PIP5K1C: variants seen among roughly 807,000 people sequenced by gnomAD.
The protein encoded by PIP5K1C is phosphatidylinositol 4-phosphate 5-kinase type-1 gamma.
Under a neutral mutation model 80.1 loss-of-function variants are expected in PIP5K1C, and 45 were observed. The observed-to-expected ratio is 0.56, with a 90% CI of 0.44 to 0.72. The LOEUF (loss-of-function observed/expected upper bound fraction) is 0.72. Ranked by LOEUF, PIP5K1C falls within the 30% of genes least tolerant of loss-of-function variation. PIP5K1C has a pLI of 0.00. For missense variants in PIP5K1C, 753 were observed against 954.6 expected (o/e 0.79, Z 2.78); for synonymous variants, 498 against 420.1 (o/e 1.19, Z -2.27).
intron 1 of PIP5K1C, among the ~76,000 whole-genome samples, chr19:3,674,469 C>T (rs1265628133): frequency 1.3e-5 from 2 of 151,908 alleles, no homozygotes; most frequent in African/African-American, 2.4e-5. Flanking sequence ...TCTCCTGCCT[C>T]AGCCTCCCCC....
intron 1 of PIP5K1C, among the ~76,000 whole-genome samples, chr19:3,672,386 C>T (rs986921623): frequency 5.3e-5 from 8 of 152,252 alleles, no homozygotes; most frequent in Non-Finnish European, 1.2e-4. Context: ...CTGGTCCCTC[C>T]TGCTGAGCCT....
At position 3,686,714 on chromosome 19, in the gene PIP5K1C, G is replaced by A. The variant is rs150487220; in HGVS notation, c.94+13583C>T. On this transcript the variant is annotated intron_variant, in intron 1 of 17. Coordinates refer to ENST00000335312, the MANE Select transcript of PIP5K1C (RefSeq NM_012398.3). Reference sequence around the variant, plus strand: ...GCCTGGGCAACAGGAGCGAAACTCCGTCTCAAAATAAATAAATAAATAAAA... The same window carrying A: ...GCCTGGGCAACAGGAGCGAAACTCCATCTCAAAATAAATAAATAAATAAAA... Among the ~76,000 whole-genome samples the A allele has an allele frequency of 6.3e-3, 943 of 150,578 alleles. 16 individuals are homozygous for A. The highest frequency in any genetic ancestry group is 0.022 in the African/African-American group (899 of 40,918).
At chr19:3,686,840 A>C (rs1359288906) in intron 1 of PIP5K1C, among the ~76,000 whole-genome samples, 1 of 152,166 alleles carries the variant, frequency 6.6e-6, no homozygotes, top group Non-Finnish European at 1.5e-5. Flanking sequence ...AATCTTTGTG[A>C]CCTTGGATTA....
chr19:3,653,236 C>G lies in PIP5K1C; in HGVS notation c.921+54G>C, dbSNP rs2034512050. The stretch of plus-strand genomic sequence containing the variant: ...GCCCTGCCTGCCCAGGCCGAGCCCT[C>G]ACCACGCAGTCCCACCTGCCACCCT... On this transcript the variant is annotated intron_variant, in intron 7 of 17. Transcript: ENST00000335312. The G allele has an allele frequency of 2.6e-6, 4 of 1,557,732 alleles. No individual in the cohort carries two copies. The Admixed American group carries it at 6.7e-5, about 26-fold the overall frequency.
At chr19:3,665,509 T>C (rs1232562989) in intron 2 of PIP5K1C, among the ~76,000 whole-genome samples, 1 of 152,130 alleles carries the variant, frequency 6.6e-6, no homozygotes, top group African/African-American at 2.4e-5. Flanking sequence ...TCAGGCTTCC[T>C]GCCAACACGG....
In PIP5K1C at chr19:3,661,056, G is replaced by A. The variant is rs148676615; in HGVS notation, c.378C>T (p.His126=). The part of the protein sequence containing the change: ...PSEGSNLTPA[H]HFQDFRFKTY... Reference sequence around the variant, plus strand: ...TCTTGAAGCGGAAGTCCTGGAAGTGGTGGGCGGGGGTGAGGTTGCTGCCTT... The same window carrying A: ...TCTTGAAGCGGAAGTCCTGGAAGTGATGGGCGGGGGTGAGGTTGCTGCCTT... Residue 126 remains histidine, a synonymous_variant, in exon 5 of 18, where the codon CAC becomes CAT. Coordinates refer to ENST00000335312, the MANE Select transcript of PIP5K1C (RefSeq NM_012398.3). The A allele has an allele frequency of 1.9e-5, 30 of 1,614,078 alleles. No homozygotes were observed. The African/African-American group carries it at 3.2e-4, about 17-fold the overall frequency.
chr19:3,658,687 T>C (rs914645568), intron 5 of PIP5K1C, among the ~76,000 whole-genome samples: 2 of 152,214 alleles, frequency 1.3e-5, no homozygotes, highest in Middle Eastern at 3.4e-3. Flanking sequence ...CACTGCTGCC[T>C]GTCCACGGTG....
At chr19:3,659,083 CA>C (rs895475241) in intron 5 of PIP5K1C, among the ~76,000 whole-genome samples, 4 of 152,170 alleles carry the variant, frequency 2.6e-5, no homozygotes, top group Non-Finnish European at 4.4e-5. Flanking sequence ...CCCCCCTTAC[CA>C]GGGGGGACTG....
chr19:3,678,442 AGATGGAGG>A (rs2035468577), intron 1 of PIP5K1C, among the ~76,000 whole-genome samples: 1 of 63,742 alleles, frequency 1.6e-5, no homozygotes, highest in African/African-American at 6.2e-5. Flanking sequence ...GAGGATGGAG[AGATGGAGG>A]ATGGAGGGAT....
At chr19:3,681,432 A>C (rs1266855311) in intron 1 of PIP5K1C, among the ~76,000 whole-genome samples, 1 of 152,000 alleles carries the variant, frequency 6.6e-6, no homozygotes, top group Non-Finnish European at 1.5e-5. Context: ...GAATTTTGCC[A>C]TGTTGGCCAG....
intron 1 of PIP5K1C, among the ~76,000 whole-genome samples, chr19:3,671,956 C>T (rs1020222829): frequency 6.6e-6 from 1 of 152,236 alleles, no homozygotes; most frequent in Non-Finnish European, 1.5e-5. Context: ...AAAGGCGAGC[C>T]GCGCTGCGGA....
At chr19:3,635,052 G>A (rs1340360591) in intron 16 of PIP5K1C, among the ~76,000 whole-genome samples, 1 of 152,244 alleles carries the variant, frequency 6.6e-6, no homozygotes, top group East Asian at 1.9e-4. Context: ...GCTCAGTACT[G>A]ATTTGGTGGC....
chr19:3,668,226 G>A (rs2035079508), intron 1 of PIP5K1C, among the ~76,000 whole-genome samples: 1 of 152,032 alleles, frequency 6.6e-6, no homozygotes. Context: ...TCAGCTCCTA[G>A]GACCCAGGAC....
chr19:3,661,154 C>G, intron 4 of PIP5K1C, 71 bp from the exon 5 acceptor site: 2 of 996,034 alleles, frequency 2.0e-6, no homozygotes, highest in Non-Finnish European at 3.2e-6. Flanking sequence ...GCCATGGTCC[C>G]TCCTAGTGCC....
chr19:3,655,112 A>C (rs1391582379), intron 6 of PIP5K1C, among the ~76,000 whole-genome samples: 47 of 118,248 alleles, frequency 4.0e-4, no homozygotes, highest in African/African-American at 6.5e-4. Context: ...CATCTCAAAA[A>C]AAAAAAAAAA....
In PIP5K1C at chr19:3,643,899, A is replaced by C. The variant is rs527958727; in HGVS notation, c.1510+188T>G. On this transcript the variant is annotated intron_variant, in intron 12 of 17. Transcript: ENST00000335312. The stretch of plus-strand genomic sequence containing the variant: ...CACCCCACCTGGTGGAGCCTTCTAT[A>C]CTCAGCTCCCCCTGGGCTCTTCCCT... Among the ~76,000 whole-genome samples the C allele has an allele frequency of 2.2e-3, 333 of 151,890 alleles. 1 individual carries two copies. Among genetic ancestry groups the C allele is most frequent in the Middle Eastern group, 3.4e-3 (1 of 294 alleles).
At chr19:3,641,888 C>T in intron 14 of PIP5K1C, 79 bp from the exon 15 acceptor site, 1 of 1,142,928 alleles carries the variant, frequency 8.7e-7, no homozygotes, top group Non-Finnish European at 1.3e-6. Flanking sequence ...CAGTGAACTC[C>T]AGGGCCAGTC....
chr19:3,653,998 G>C, intron 6 of PIP5K1C, among the ~76,000 whole-genome samples: 1 of 152,130 alleles, frequency 6.6e-6, no homozygotes, highest in Non-Finnish European at 1.5e-5. Context: ...ACACACACAC[G>C]CACACACACA....
At position 3,637,477 on chromosome 19, in the gene PIP5K1C, C is replaced by A; in HGVS notation, c.1920+1407G>T. On this transcript the variant is annotated intron_variant, in intron 16 of 17. Transcript: ENST00000335312. This position sits in a 1 kb window ranked among gnomAD's most constrained non-coding sequence, Gnocchi z 7.0. Reference sequence around the variant, plus strand: ...AGCTTCCGGCCGGGGACCTGCGGCTCCCTGCTGCCCGAGGGGCACTGCCCC... The same window carrying A: ...AGCTTCCGGCCGGGGACCTGCGGCTACCTGCTGCCCGAGGGGCACTGCCCC... The A allele has an allele frequency of 6.5e-7, 1 of 1,535,694 alleles. No individual in the cohort carries two copies. The highest frequency in any genetic ancestry group is 1.4e-5 in the African/African-American group (1 of 73,152).
Sources: allele counts gnomAD v4.1 joint callset (sites outside exome capture counted in the v4.1 genomes callset), GRCh38; gene constraint gnomAD v4.1.1; non-coding constraint Gnocchi (gnomAD v3.1); transcripts MANE v1.5; gene names NCBI Gene and HGNC (gene_info 2026-07-23, HGNC 2026-07-21).